The following LRRTM3 variants were observed in gnomAD, a reference collection of about 807,000 sequenced individuals.
LRRTM3 encodes the protein leucine-rich repeat transmembrane neuronal protein 3.
A neutral mutation model predicts 44.7 loss-of-function variants in LRRTM3; 24 were observed. That is an observed-to-expected ratio of 0.54 (90% CI 0.39 to 0.76). LRRTM3 has a LOEUF of 0.76. Ranked by LOEUF, LRRTM3 falls within the 30% of genes least tolerant of loss-of-function variation. LRRTM3 has a pLI of 0.00. For missense variants in LRRTM3, 587 were observed against 702.2 expected (o/e 0.84, Z 1.85); for synonymous variants, 277 against 278.7 (o/e 0.99, Z 0.06).
chr10:66,994,144 A>G (rs1851197030), intron 2 of LRRTM3, among the ~76,000 whole-genome samples: 1 of 152,200 alleles, frequency 6.6e-6, no homozygotes, highest in South Asian at 2.1e-4. Flanking sequence ...TGCCATCACT[A>G]TATTCTTATA....
At chr10:66,995,832 C>T (rs921344461) in intron 2 of LRRTM3, among the ~76,000 whole-genome samples, 1 of 152,180 alleles carries the variant, frequency 6.6e-6, no homozygotes, top group Non-Finnish European at 1.5e-5. Flanking sequence ...TACAAACCTT[C>T]CTGAAATCCA....
At chr10:67,039,180 TA>T (rs1854248980) in intron 2 of LRRTM3, among the ~76,000 whole-genome samples, 1 of 152,118 alleles carries the variant, frequency 6.6e-6, no homozygotes. Context: ...CTTAACATTA[TA>T]ACCAAAATTA....
chr10:66,972,746 T>C (rs1367157974), intron 2 of LRRTM3, among the ~76,000 whole-genome samples: 3 of 143,836 alleles, frequency 2.1e-5, no homozygotes, highest in Non-Finnish European at 4.5e-5. Context: ...AGTCTGGCTC[T>C]GTCACCCAGG....
At chr10:67,005,655 G>T (rs1162515990) in intron 2 of LRRTM3, among the ~76,000 whole-genome samples, 2 of 91,712 alleles carry the variant, frequency 2.2e-5, no homozygotes, top group Non-Finnish European at 4.9e-5. Context: ...AAAAGCAAAA[G>T]TAATGCTTTT....
chr10:67,097,555 T>C (rs1393945192), intron 2 of LRRTM3, 32 bp from the exon 3 acceptor site: 1 of 1,588,640 alleles, frequency 6.3e-7, no homozygotes, highest in Admixed American at 1.7e-5. Flanking sequence ...CATATTTTTA[T>C]AACTGACTTT....
chr10:66,928,181 C>A lies in LRRTM3; in HGVS notation c.1265C>A (p.Ala422Glu). ...CACATCTCTTTCCATAAAATCATCGCGGGCAGCGTGGCGCTTTTCCTGTCC... is the reference window on the plus strand; with the variant it reads ...CACATCTCTTTCCATAAAATCATCGAGGGCAGCGTGGCGCTTTTCCTGTCC... The part of the protein sequence containing the change: ...AEHISFHKII[A>E]GSVALFLSVL... Residue 422 changes from alanine to glutamate, a missense_variant, in exon 2 of 3, where the codon GCG becomes GAG. By Grantham distance (107) the Ala-to-Glu change is moderately radical. Transcript: ENST00000361320. 6.2e-7 allele frequency: 1 copy of A among 1,614,090 alleles called. No individual in the cohort carries two copies. The highest frequency in any genetic ancestry group is 8.5e-7 in the Non-Finnish European group (1 of 1,180,034).
At chr10:66,946,045 A>G (rs1848255798) in intron 2 of LRRTM3, among the ~76,000 whole-genome samples, 1 of 152,234 alleles carries the variant, frequency 6.6e-6, no homozygotes, top group Non-Finnish European at 1.5e-5. Context: ...AACAAAATGT[A>G]ACACAGAGAC....
At chr10:67,034,292 T>C (rs1467242912) in intron 2 of LRRTM3, among the ~76,000 whole-genome samples, 1 of 152,170 alleles carries the variant, frequency 6.6e-6, no homozygotes, top group African/African-American at 2.4e-5. Flanking sequence ...TGCCAAGCAA[T>C]CATTTATTCA....
intron 2 of LRRTM3, among the ~76,000 whole-genome samples, chr10:66,979,137 T>C (rs1310485189): frequency 6.6e-6 from 1 of 151,834 alleles, no homozygotes; most frequent in Non-Finnish European, 1.5e-5. Context: ...GCTAATTTAA[T>C]TTTTGTTTTT....
chr10:67,083,961 A>C (rs1857176087), intron 2 of LRRTM3, among the ~76,000 whole-genome samples: 1 of 152,180 alleles, frequency 6.6e-6, no homozygotes, highest in Non-Finnish European at 1.5e-5. Context: ...AGAGGGACAC[A>C]GTCAATTCAG....
chr10:66,980,941 T>C (rs1850396432), intron 2 of LRRTM3, among the ~76,000 whole-genome samples: 1 of 152,142 alleles, frequency 6.6e-6, no homozygotes, highest in Admixed American at 6.6e-5. Context: ...AGTTTCACTC[T>C]TGTTGCCCAG....
rs58941459 is a variant in LRRTM3 at position 66,993,694 on chromosome 10, G to GA, written c.1536+65257dup. Among the ~76,000 whole-genome samples the GA allele has an allele frequency of 8.3e-3, 1,182 of 142,176 alleles. 4 individuals carry two copies. The highest frequency in any genetic ancestry group is 0.021 in the African/African-American group (839 of 39,192). 93.3% of individuals were successfully genotyped at this position (142,176 alleles called of 152,430 possible). A position where few individuals can be genotyped will look rare whatever the true frequency, so the allele number is the denominator to read the frequency against. ...GCTCTTGCACTAATGATACATAAAT[G>GA]AAAAAAAAAAAAAAACAGATAAAAC... On this transcript the variant is annotated intron_variant, in intron 2 of 2. Transcript: ENST00000361320.
intron 2 of LRRTM3, among the ~76,000 whole-genome samples, chr10:67,052,393 C>T (rs1855166463): frequency 6.7e-6 from 1 of 150,118 alleles, no homozygotes; most frequent in South Asian, 2.1e-4. Context: ...ACTGTCTATT[C>T]CATGGGCTTC....
rs527340923 is a variant in LRRTM3 at position 67,099,429 on chromosome 10, C to T, written c.*1633C>T. ...TGCCATCAAAAGTAGATTGACAATA[C>T]ATCAATCTAACAGGGGCCAATCAAA... On this transcript the variant is annotated 3_prime_UTR_variant, in exon 3 of 3. Coordinates refer to ENST00000361320, the MANE Select transcript of LRRTM3 (RefSeq NM_178011.5). The T allele has an allele frequency of 4.0e-5, 6 of 151,630 alleles. No individual in the cohort carries two copies. The highest frequency in any genetic ancestry group is 1.2e-4 in the African/African-American group (5 of 41,438). The allele number at this position is 151,630 out of a possible 1,614,324, so 9.4% of individuals were successfully genotyped here. A position where few individuals can be genotyped will look rare whatever the true frequency, so the allele number is the denominator to read the frequency against.
In LRRTM3 at chr10:66,995,476, T is replaced by G. The variant is rs78282694; in HGVS notation, c.1536+67024T>G. 4.7e-4 allele frequency among the ~76,000 whole-genome samples: 72 copies of G among 152,290 alleles called. No individual in the cohort carries two copies. The East Asian group carries it at 0.013, about 28-fold the overall frequency. On this transcript the variant is annotated intron_variant, in intron 2 of 2. Transcript: ENST00000361320. ...CTCTTTTAATCCATTCTCCAAACAT[T>G]CACCAAGTGATCTTTTTAAAACACG...
At chr10:67,060,694 T>C (rs1925594) in intron 2 of LRRTM3, among the ~76,000 whole-genome samples, 20,418 of 152,082 alleles carry the variant, frequency 0.13, 1,822 homozygotes, top group African/African-American at 0.25. Flanking sequence ...TCTTCTACCA[T>C]GGCCAGTGAG....
rs1166640934 is a variant in LRRTM3 at position 66,926,065 on chromosome 10, T to C, written c.-519T>C. ...GTCCGAGCAGCTTTCAGAATGACAG[T>C]CTGCAGAAGTGAGCTGAGCGTGTGC... On this transcript the variant is annotated 5_prime_UTR_variant, in exon 1 of 3. Transcript: ENST00000361320. 1 of 457,290 alleles carries C rather than the reference T, an allele frequency of 2.2e-6. No individual in the cohort carries two copies. The highest frequency in any genetic ancestry group is 2.3e-5 in the Admixed American group (1 of 42,606). 28.3% of individuals were successfully genotyped at this position (457,290 alleles called of 1,614,324 possible).
chr10:67,061,865 G>A (rs561136007), intron 2 of LRRTM3, among the ~76,000 whole-genome samples: 17 of 152,226 alleles, frequency 1.1e-4, no homozygotes, highest in Non-Finnish European at 2.1e-4. Flanking sequence ...TACTGATAAA[G>A]AATCAAGTTA....
intron 2 of LRRTM3, among the ~76,000 whole-genome samples, chr10:67,029,555 G>C (rs1853594225): frequency 6.6e-6 from 1 of 152,162 alleles, no homozygotes; most frequent in Non-Finnish European, 1.5e-5. Context: ...TTAAGATTTT[G>C]AATGTCACAA....
Sources: allele counts gnomAD v4.1 joint callset (sites outside exome capture counted in the v4.1 genomes callset), GRCh38; gene constraint gnomAD v4.1.1; transcripts MANE v1.5; gene names NCBI Gene and HGNC (gene_info 2026-07-23, HGNC 2026-07-21).